Variants in LRP1B observed in about 807,000 individuals in gnomAD.
LRP1B encodes LDL receptor related protein 1B, also known as low-density lipoprotein receptor-related protein 1B.
LRP1B carries 217 observed loss-of-function variants against 556.6 expected under a neutral mutation model. That is an observed-to-expected ratio of 0.39 (90% CI 0.35 to 0.44). The LOEUF (loss-of-function observed/expected upper bound fraction) is 0.44, where lower values mean the gene tolerates loss of function less well. Ranked by LOEUF, LRP1B falls within the 20% of genes least tolerant of loss-of-function variation. LRP1B has a pLI of 1.00. For missense variants in LRP1B, 5,053 were observed against 5,620.8 expected (o/e 0.90, Z 3.23); for synonymous variants, 2,047 against 1,865.8 (o/e 1.10, Z -2.50).
intron 43 of LRP1B, among the ~76,000 whole-genome samples, chr2:140,572,419 G>C (rs1681357264): frequency 6.6e-6 from 1 of 151,562 alleles, no homozygotes; most frequent in Non-Finnish European, 1.5e-5. Flanking sequence ...AATCATGAGG[G>C]AAATGCAAAT....
intron 3 of LRP1B, among the ~76,000 whole-genome samples, chr2:141,375,338 G>C (rs1196845053): frequency 1.3e-5 from 2 of 152,116 alleles, no homozygotes; most frequent in Non-Finnish European, 2.9e-5. Context: ...GTGGGTCCTA[G>C]AGGTCTAATT....
chr2:140,481,020 A>C (rs11884981), intron 59 of LRP1B, among the ~76,000 whole-genome samples: 7,301 of 151,778 alleles, frequency 0.048, 212 homozygotes, highest in African/African-American at 0.052. Flanking sequence ...GCCTGTGTCA[A>C]CAGGCCTGGC....
At chr2:141,425,251 A>G in intron 3 of LRP1B, among the ~76,000 whole-genome samples, 1 of 151,762 alleles carries the variant, frequency 6.6e-6, no homozygotes, top group East Asian at 1.9e-4. Flanking sequence ...ACATGAAGTC[A>G]TCATTTTTTA....
chr2:140,259,512 C>T lies in LRP1B; in HGVS notation c.13247+10730G>A, dbSNP rs80167814. On this transcript the variant is annotated intron_variant, in intron 86 of 90. Transcript: ENST00000389484. ...ATCATTTTTCTATTATTTTCTGACT[C>T]TCCATTCTTTGAAAATTTATTAATG... is the stretch of plus-strand genomic sequence containing the variant. Among the ~76,000 whole-genome samples, 1,493 of 152,004 alleles carry T rather than the reference C, an allele frequency of 9.8e-3. 62 individuals are homozygous for T. In the East Asian group the frequency reaches 0.13, roughly 14 times the overall value.
intron 32 of LRP1B, among the ~76,000 whole-genome samples, chr2:140,798,982 C>T (rs4954856): frequency 0.45 from 68,050 of 151,956 alleles, 17,111 homozygotes; most frequent in East Asian, 0.66. Context: ...AAAGTAGATG[C>T]TCTGTAAATA....
intron 3 of LRP1B, among the ~76,000 whole-genome samples, chr2:141,467,915 C>T (rs1349350813): frequency 6.6e-6 from 1 of 151,550 alleles, no homozygotes; most frequent in African/African-American, 2.4e-5. Context: ...ATCCCTACAC[C>T]TTTACACTCT....
At chr2:141,122,342 A>T (rs1443233135) in intron 7 of LRP1B, among the ~76,000 whole-genome samples, 9 of 152,144 alleles carry the variant, frequency 5.9e-5, no homozygotes, top group African/African-American at 2.2e-4. Flanking sequence ...AAATTTTTGC[A>T]ATCTACTCAT....
chr2:141,497,322 AC>A (rs1442038062), intron 2 of LRP1B, among the ~76,000 whole-genome samples: 2 of 151,968 alleles, frequency 1.3e-5, no homozygotes, highest in Admixed American at 1.3e-4. Flanking sequence ...CTCCTCTGCT[AC>A]CTGCAATTAC....
chr2:141,815,759 G>A (rs1036421328), intron 1 of LRP1B, among the ~76,000 whole-genome samples: 1 of 151,186 alleles, frequency 6.6e-6, no homozygotes, highest in East Asian at 1.9e-4. Flanking sequence ...CGCTGTGGAA[G>A]CTTTGTGCTT....
chr2:140,832,985 C>T (rs1006254086), intron 31 of LRP1B, among the ~76,000 whole-genome samples: 9 of 152,120 alleles, frequency 5.9e-5, no homozygotes, highest in African/African-American at 2.2e-4. Flanking sequence ...CAAAATATCA[C>T]AGGCATTCCA....
intron 23 of LRP1B, among the ~76,000 whole-genome samples, chr2:140,894,707 G>T (rs1693899405): frequency 6.6e-6 from 1 of 152,082 alleles, no homozygotes; most frequent in African/African-American, 2.4e-5. Context: ...CCAGCACTTT[G>T]GGAAGCCGAG....
intron 65 of LRP1B, among the ~76,000 whole-genome samples, chr2:140,443,149 C>A (rs4954837): frequency 0.079 from 11,946 of 152,162 alleles, 588 homozygotes; most frequent in African/African-American, 0.14. Context: ...CAACCTCCAC[C>A]TCCCAGAATC....
intron 11 of LRP1B, among the ~76,000 whole-genome samples, chr2:141,031,302 G>T (rs1698365332): frequency 6.7e-6 from 1 of 148,582 alleles, no homozygotes; most frequent in Admixed American, 6.8e-5. Context: ...TATATATAAA[G>T]AGAGAGAGAG....
At chr2:141,585,813 T>C (rs1687116818) in intron 2 of LRP1B, among the ~76,000 whole-genome samples, 1 of 152,018 alleles carries the variant, frequency 6.6e-6, no homozygotes, top group South Asian at 2.1e-4. Context: ...CCTTACTCTG[T>C]CATAGCTCAC....
intron 23 of LRP1B, among the ~76,000 whole-genome samples, chr2:140,896,197 TTAA>T (rs1693948331): frequency 6.6e-6 from 1 of 151,884 alleles, no homozygotes; most frequent in South Asian, 2.1e-4. Context: ...AATAAATGAA[TTAA>T]TAAATGAATT....
At chr2:140,468,588 T>A (rs759612946) in intron 60 of LRP1B, among the ~76,000 whole-genome samples, 1 of 152,266 alleles carries the variant, frequency 6.6e-6, no homozygotes, top group East Asian at 1.9e-4. Context: ...TTCCAACCTA[T>A]GAGAGGTGGA....
chr2:141,852,576 A>C (rs1006470134), intron 1 of LRP1B, among the ~76,000 whole-genome samples: 16 of 151,756 alleles, frequency 1.1e-4, no homozygotes, highest in South Asian at 6.2e-4. Context: ...ATATAAGTAA[A>C]TAATTTTAGC....
chr2:142,077,547 C>G (rs1003906788), intron 1 of LRP1B, among the ~76,000 whole-genome samples: 4 of 152,076 alleles, frequency 2.6e-5, no homozygotes, highest in Non-Finnish European at 4.4e-5. Flanking sequence ...AATAGAGCCT[C>G]CATTCATAGT....
At chr2:141,873,459 C>G (rs1042109483) in intron 1 of LRP1B, among the ~76,000 whole-genome samples, 3 of 151,798 alleles carry the variant, frequency 2.0e-5, no homozygotes, top group African/African-American at 4.8e-5. Context: ...GAGTTCTCAT[C>G]ATGGGAGAAG....
Sources: gnomAD v4.1 joint callset for allele counts (sites outside exome capture counted in the v4.1 genomes callset) on GRCh38, gnomAD v4.1.1 for gene constraint, MANE v1.5 for transcripts, NCBI Gene and HGNC (gene_info 2026-07-23, HGNC 2026-07-21) for gene names.